Variants in ARHGEF4 observed in about 807,000 individuals in gnomAD.
The protein encoded by ARHGEF4 is Rho guanine nucleotide exchange factor 4.
In ARHGEF4, 119 loss-of-function variants were observed where a neutral mutation model predicts 162.0. That is an observed-to-expected ratio of 0.73 (90% CI 0.63 to 0.86). The LOEUF (loss-of-function observed/expected upper bound fraction) is 0.86. Among genes scored for constraint, ARHGEF4 ranks in the 40% least tolerant of loss-of-function variants. The pLI is 0.00. For missense variants in ARHGEF4, 2,488 were observed against 2,456.0 expected, an observed-to-expected ratio of 1.01 and a Z score of -0.28; for synonymous variants, 1,014 against 979.9, an observed-to-expected ratio of 1.03 and a Z score of -0.65.
At chr2:130,873,292 A>G (rs1678607822) in intron 1 of ARHGEF4, among the ~76,000 whole-genome samples, 1 of 152,180 alleles carries the variant, frequency 6.6e-6, no homozygotes, top group Admixed American at 6.5e-5. Flanking sequence ...CTCCCATCTT[A>G]TGAAGGAAGA....
At chr2:130,981,675 A>T (rs1370621201) in intron 4 of ARHGEF4, among the ~76,000 whole-genome samples, 1 of 151,758 alleles carries the variant, frequency 6.6e-6, no homozygotes, top group Non-Finnish European at 1.5e-5. Context: ...AAAAAAAAGA[A>T]AAAAAAGAAG....
At chr2:130,928,828 C>T (rs1682458917) in intron 2 of ARHGEF4, among the ~76,000 whole-genome samples, 1 of 152,042 alleles carries the variant, frequency 6.6e-6, no homozygotes, top group Admixed American at 6.6e-5. Flanking sequence ...TCAGATTATC[C>T]CACCCCAAAG....
At chr2:130,928,657 C>A (rs973858180) in intron 2 of ARHGEF4, among the ~76,000 whole-genome samples, 3 of 152,174 alleles carry the variant, frequency 2.0e-5, no homozygotes, top group Admixed American at 6.5e-5. Context: ...ATCTGCATTT[C>A]TTTAGATAGC....
chr2:130,963,486 C>G (rs561580461), intron 4 of ARHGEF4, among the ~76,000 whole-genome samples: 1 of 152,058 alleles, frequency 6.6e-6, no homozygotes, highest in Admixed American at 6.5e-5. Context: ...GGGCGCCCAC[C>G]AGCCCTCCTC....
rs1691294307 is a variant in ARHGEF4, at chr2:131,046,764, C to T, written c.*575C>T. ...CCCTTCGCCTCCCAGCCCCTCAAGA[C>T]ACCGCTGGCTGCTGGACACCCTCTT... On this transcript the variant is annotated 3_prime_UTR_variant, in exon 14 of 14. Transcript: ENST00000409359. 1 of 153,250 alleles carries T rather than the reference C, an allele frequency of 6.5e-6. No homozygotes were observed. The highest frequency in any genetic ancestry group is 6.5e-5 in the Admixed American group (1 of 15,322). 9.5% of individuals were successfully genotyped at this position (153,250 alleles called of 1,614,324 possible). A position where few individuals can be genotyped will look rare whatever the true frequency, so the allele number is the denominator to read the frequency against.
At chr2:130,995,294 T>C (rs922932695) in intron 4 of ARHGEF4, among the ~76,000 whole-genome samples, 4 of 152,266 alleles carry the variant, frequency 2.6e-5, no homozygotes, top group Admixed American at 1.3e-4. Context: ...GTACCTAATA[T>C]GTTGTTAAAC....
chr2:130,912,631 G>A (rs1559034231), intron 1 of ARHGEF4, among the ~76,000 whole-genome samples: 3 of 152,232 alleles, frequency 2.0e-5, no homozygotes, highest in African/African-American at 7.2e-5. Context: ...CAAAGCTTGT[G>A]TCAAGGAGCC....
chr2:130,931,246 G>C lies in ARHGEF4; in HGVS notation c.3847G>C (p.Asp1283His), dbSNP rs1682614952. The C allele has an allele frequency of 1.2e-6, 2 of 1,607,342 alleles. No individual in the cohort carries two copies. The highest frequency in any genetic ancestry group is 1.7e-6 in the Non-Finnish European group (2 of 1,175,364). The change falls in exon 3 of 14, where the codon GAT (aspartate) becomes CAT (histidine). Residue 1283 changes from aspartate to histidine, a missense_variant. By Grantham distance (81) the Asp-to-His change is moderately conservative (BLOSUM62 -1). Coordinates refer to ENST00000409359, the MANE Select transcript of ARHGEF4 (RefSeq NM_001367493.1). ...RRLHIGAVHK[D>H]GVKCWRKTII... is the part of the protein sequence containing the mutation. The stretch of plus-strand genomic sequence containing the variant: ...GCTGCACATAGGGGCAGTGCACAAA[G>C]ATGGAGTCAAGGTAAGCCACTCCCG...
At chr2:130,967,245 T>C (rs913193864) in intron 4 of ARHGEF4, among the ~76,000 whole-genome samples, 2 of 152,236 alleles carry the variant, frequency 1.3e-5, no homozygotes, top group Admixed American at 1.3e-4. Context: ...TTCATCTGGC[T>C]GTGGAGAGGA....
At chr2:131,003,659 G>T (rs767534863) in intron 4 of ARHGEF4, among the ~76,000 whole-genome samples, 3 of 152,162 alleles carry the variant, frequency 2.0e-5, no homozygotes, top group Non-Finnish European at 2.9e-5. Flanking sequence ...GTTAAGATAG[G>T]GATAATCCTT....
chr2:131,033,532 G>C (rs955264440), intron 5 of ARHGEF4, among the ~76,000 whole-genome samples: 1 of 152,208 alleles, frequency 6.6e-6, no homozygotes, highest in East Asian at 1.9e-4. Context: ...CTTCTGGGTG[G>C]CCAGCTGTTC....
At chr2:130,981,504 CA>C (rs984429559) in intron 4 of ARHGEF4, among the ~76,000 whole-genome samples, 1 of 151,736 alleles carries the variant, frequency 6.6e-6, no homozygotes, top group African/African-American at 2.4e-5. Flanking sequence ...ACAAAAAATA[CA>C]AAAGTTAGCC....
rs759877531 is a variant in ARHGEF4, at chr2:130,915,000, G to A, written c.1054G>A (p.Val352Met). The change falls in exon 2 of 14, where the codon GTG becomes ATG. Residue 352 changes from valine (V) to methionine (M), a missense_variant. Coordinates refer to ENST00000409359, the MANE Select transcript of ARHGEF4 (RefSeq NM_001367493.1). ...TTCACCAGAGTGCCCCGAGGATCCC[G>A]TGGGACAGAATGTTGTGAAGTCTGG... ...GFSPECPEDP[V>M]GQNVVKSGTH... 3.2e-6 allele frequency: 5 copies of A among 1,550,496 alleles called. No individual in the cohort carries two copies. The highest frequency in any genetic ancestry group is 1.4e-5 in the African/African-American group (1 of 73,032).
intron 3 of ARHGEF4, among the ~76,000 whole-genome samples, chr2:130,932,274 G>A (rs1257826261): frequency 6.6e-6 from 1 of 152,198 alleles, no homozygotes; most frequent in African/African-American, 2.4e-5. Context: ...TGATTATACA[G>A]TACTTGTCTC....
chr2:131,033,501 A>G (rs1363131104), intron 5 of ARHGEF4, among the ~76,000 whole-genome samples: 1 of 152,174 alleles, frequency 6.6e-6, no homozygotes, highest in Non-Finnish European at 1.5e-5. Flanking sequence ...CACTGTACCC[A>G]GGGCCCAGAG....
chr2:131,039,411 G>A (rs1019915986), intron 6 of ARHGEF4: 1 of 1,045,986 alleles, frequency 9.6e-7, no homozygotes, highest in African/African-American at 1.7e-5. Flanking sequence ...TGAAGAAGTT[G>A]AGGCACGGTC....
intron 1 of ARHGEF4, among the ~76,000 whole-genome samples, chr2:130,891,397 T>G (rs977040482): frequency 4.6e-5 from 7 of 152,214 alleles, no homozygotes; most frequent in African/African-American, 1.7e-4. Context: ...GATCACAGGT[T>G]GGCAAACTTC....
At chr2:130,940,193 A>G (rs1432435564) in intron 3 of ARHGEF4, among the ~76,000 whole-genome samples, 1 of 152,220 alleles carries the variant, frequency 6.6e-6, no homozygotes, top group African/African-American at 2.4e-5. Flanking sequence ...TAGTAATTAT[A>G]CAACAATACA....
intron 1 of ARHGEF4, among the ~76,000 whole-genome samples, chr2:130,884,302 G>GCA (rs146732158): frequency 0.018 from 2,642 of 150,616 alleles, 99 homozygotes; most frequent in African/African-American, 0.059. Flanking sequence ...ATAGGCACGT[G>GCA]CACACACACA....
Sources: allele counts gnomAD v4.1 joint callset (sites outside exome capture counted in the v4.1 genomes callset), GRCh38; gene constraint gnomAD v4.1.1; transcripts MANE v1.5; gene names NCBI Gene and HGNC (gene_info 2026-07-23, HGNC 2026-07-21).